NCKAP5: variants seen among roughly 807,000 people sequenced by gnomAD.
The protein encoded by NCKAP5 is NCK associated protein 5, also known as nck-associated protein 5.
NCKAP5 carries 92 observed loss-of-function variants against 167.0 expected under a neutral mutation model. The ratio of observed to expected loss-of-function variants is 0.55; its 90% CI spans 0.47 to 0.66. NCKAP5 has a LOEUF of 0.66. Among genes scored for constraint, NCKAP5 ranks in the 30% least tolerant of loss-of-function variants. The pLI is 0.00. For synonymous variants in NCKAP5, 891 were observed against 877.4 expected (o/e 1.02, Z -0.27); for missense variants, 2,378 against 2,315.0 (o/e 1.03, Z -0.56).
chr2:133,579,143 G>A, the NCKAP5 span, among the ~76,000 whole-genome samples: 5 of 152,156 alleles, frequency 3.3e-5, no homozygotes, highest in Non-Finnish European at 5.9e-5. Flanking sequence ...ATAATCATAT[G>A]AGTCAGGTAC....
intron 3 of NCKAP5, among the ~76,000 whole-genome samples, chr2:133,384,324 C>T (rs951707596): frequency 6.6e-6 from 1 of 152,164 alleles, no homozygotes; most frequent in Admixed American, 6.5e-5. Flanking sequence ...ATCCTTTCCC[C>T]ATTTCTTGTT....
chr2:133,283,996 G>C (rs533025006), intron 4 of NCKAP5, among the ~76,000 whole-genome samples: 7 of 152,072 alleles, frequency 4.6e-5, no homozygotes, highest in Non-Finnish European at 1.0e-4. Flanking sequence ...TAGAGTGGCA[G>C]ACTCAAGAAC....
At chr2:133,026,950 A>G (rs1429092790) in intron 6 of NCKAP5, among the ~76,000 whole-genome samples, 1 of 152,090 alleles carries the variant, frequency 6.6e-6, no homozygotes, top group Non-Finnish European at 1.5e-5. Context: ...ATTCCTGTCT[A>G]TGTCACCCAG....
At chr2:133,395,727 C>A (rs1687690587) in intron 3 of NCKAP5, among the ~76,000 whole-genome samples, 1 of 152,084 alleles carries the variant, frequency 6.6e-6, no homozygotes, top group East Asian at 1.9e-4. Context: ...CTTACTGCAG[C>A]CTTGAACTCC....
intron 19 of NCKAP5, among the ~76,000 whole-genome samples, chr2:132,717,996 A>C (rs1268192983): frequency 6.6e-6 from 1 of 152,210 alleles, no homozygotes; most frequent in African/African-American, 2.4e-5. Context: ...AACCAAAAAG[A>C]ACTAGGAATT....
intron 5 of NCKAP5, among the ~76,000 whole-genome samples, chr2:133,162,947 T>C (rs545276378): frequency 2.0e-5 from 3 of 152,312 alleles, no homozygotes; most frequent in African/African-American, 7.2e-5. Context: ...AAGATGGCAC[T>C]AGAGAACTAG....
chr2:133,328,434 T>C (rs147641334), intron 3 of NCKAP5, among the ~76,000 whole-genome samples: 3 of 152,270 alleles, frequency 2.0e-5, no homozygotes, highest in Non-Finnish European at 4.4e-5. Context: ...ACTTAATACA[T>C]TTTAGGGGGG....
intron 11 of NCKAP5, among the ~76,000 whole-genome samples, chr2:132,813,567 A>G (rs1450761219): frequency 2.0e-5 from 3 of 152,202 alleles, no homozygotes; most frequent in Admixed American, 6.5e-5. Flanking sequence ...CCAGCACTCC[A>G]GTGATCCGTA....
chr2:133,171,272 A>T (rs935320089), intron 5 of NCKAP5, among the ~76,000 whole-genome samples: 6 of 152,248 alleles, frequency 3.9e-5, no homozygotes, highest in South Asian at 2.1e-4. Flanking sequence ...TACATGCTTA[A>T]TTAAAGATTC....
chr2:133,280,398 G>GTTTATTTATTTATTTA (rs562780851), intron 4 of NCKAP5, among the ~76,000 whole-genome samples: 3 of 151,992 alleles, frequency 2.0e-5, no homozygotes, highest in African/African-American at 7.3e-5. Context: ...CTGTTCGTTT[G>GTTTATTTATTTATTTA]TTTATTTATT....
At chr2:133,228,806 T>G (rs1559293683) in intron 4 of NCKAP5, among the ~76,000 whole-genome samples, 3 of 152,138 alleles carry the variant, frequency 2.0e-5, no homozygotes, top group African/African-American at 7.2e-5. Flanking sequence ...ATGTCCATTG[T>G]AAAAATCCAG....
intron 8 of NCKAP5, among the ~76,000 whole-genome samples, chr2:132,903,626 C>A (rs1293927483): frequency 6.6e-6 from 1 of 152,126 alleles, no homozygotes; most frequent in Non-Finnish European, 1.5e-5. Context: ...CATCAGACAT[C>A]TATTATTTTC....
At chr2:132,987,257 A>G (rs2077315572) in intron 7 of NCKAP5, among the ~76,000 whole-genome samples, 1 of 151,684 alleles carries the variant, frequency 6.6e-6, no homozygotes, top group South Asian at 2.1e-4. Context: ...CAACAAAGGT[A>G]AAGTTCAAAG....
chr2:133,342,640 C>T (rs1683676885), intron 3 of NCKAP5, among the ~76,000 whole-genome samples: 1 of 152,146 alleles, frequency 6.6e-6, no homozygotes, highest in African/African-American at 2.4e-5. Flanking sequence ...ACAATACCCC[C>T]TCCAGCCACC....
At chr2:132,975,830 A>T (rs563811334) in intron 7 of NCKAP5, among the ~76,000 whole-genome samples, 1 of 152,274 alleles carries the variant, frequency 6.6e-6, no homozygotes, top group East Asian at 1.9e-4. Flanking sequence ...TTTGCAATTC[A>T]AATTCAATCC....
chr2:133,447,484 T>A (rs1414298795), intron 3 of NCKAP5, among the ~76,000 whole-genome samples: 2 of 148,686 alleles, frequency 1.3e-5, no homozygotes, highest in Admixed American at 1.3e-4. Flanking sequence ...TTTCCCTGCC[T>A]TTCCCCTTCT....
chr2:133,273,817 G>A (rs1213790231), intron 4 of NCKAP5, among the ~76,000 whole-genome samples: 3 of 150,672 alleles, frequency 2.0e-5, no homozygotes, highest in South Asian at 2.1e-4. Flanking sequence ...TTTGGGGGAA[G>A]ATAAAAAAAA....
At chr2:132,795,373 T>C (rs764280284) in intron 12 of NCKAP5, among the ~76,000 whole-genome samples, 1 of 152,258 alleles carries the variant, frequency 6.6e-6, no homozygotes, top group Non-Finnish European at 1.5e-5. Flanking sequence ...TATGTTGATT[T>C]AACAGGGAAA....
intron 5 of NCKAP5, among the ~76,000 whole-genome samples, chr2:133,169,279 G>C (rs192366518): frequency 6.6e-6 from 1 of 152,064 alleles, no homozygotes; most frequent in African/African-American, 2.4e-5. Context: ...CCACCACCTC[G>C]ATCTTGAAAC....
Sources: allele counts gnomAD v4.1 joint callset (sites outside exome capture counted in the v4.1 genomes callset), GRCh38; gene constraint gnomAD v4.1.1; transcripts MANE v1.5; gene names NCBI Gene and HGNC (gene_info 2026-07-23, HGNC 2026-07-21).